Variants in ZNF583 observed in about 807,000 individuals in gnomAD.
ZNF583 encodes the protein zinc finger protein 583, also known as zinc finger protein L3-5.
ZNF583 carries 30 observed loss-of-function variants against 55.3 expected under a neutral mutation model. The observed-to-expected ratio is 0.54, with a 90% confidence interval of 0.41 to 0.74. The LOEUF is 0.74. Among genes scored for constraint, ZNF583 ranks in the 30% least tolerant of loss-of-function variants. ZNF583 has a pLI of 0.00. For missense variants in ZNF583, 504 were observed against 664.7 expected (o/e 0.76, Z 2.66); for synonymous variants, 208 against 220.0 (o/e 0.95, Z 0.48).
chr19:56,407,292 T>G (rs4801160), intron 2 of ZNF583, among the ~76,000 whole-genome samples, 169 bp downstream of exon 2: 127,917 of 152,216 alleles, frequency 0.84, 54,021 homozygotes, highest in East Asian at 0.95. Context: ...CCTAGTTATC[T>G]TTTTTTCCAC....
chr19:56,422,805 G>T, intron 4 of ZNF583, 86 bp from the exon 5 acceptor site: 1 of 927,310 alleles, frequency 1.1e-6, no homozygotes, highest in Non-Finnish European at 1.6e-6. Flanking sequence ...CCTTTAACTT[G>T]TGATGTATTT....
chr19:56,426,425 A>T lies in ZNF583; in HGVS notation c.*2057A>T, dbSNP rs142750445. ...CCTCCCCACCTCCTGTCAACAAGTC[A>T]TAGATTTGACTGTATAAGAACTTTA... On this transcript the variant is annotated 3_prime_UTR_variant, in exon 5 of 5. Coordinates refer to ENST00000333201, the MANE Select transcript of ZNF583 (RefSeq NM_152478.3). 6.6e-6 allele frequency: 1 copy of T among 152,244 alleles called. No homozygotes were observed. Among genetic ancestry groups the T allele is most frequent in the Non-Finnish European group, 1.5e-5 (1 of 68,046 alleles). 9.4% of individuals were successfully genotyped at this position (152,244 alleles called of 1,614,324 possible). A position where few individuals can be genotyped will look rare whatever the true frequency, so the allele number is the denominator to read the frequency against.
At chr19:56,407,421 G>A (rs963083017) in intron 2 of ZNF583, among the ~76,000 whole-genome samples, 1 of 152,206 alleles carries the variant, frequency 6.6e-6, no homozygotes, top group Non-Finnish European at 1.5e-5. Flanking sequence ...CTTCATTGTA[G>A]TAAGTTGATT....
rs1360233852 is a variant in ZNF583, at chr19:56,423,696, T to C, written c.1038T>C (p.His346=). Residue 346 remains histidine (H), a synonymous_variant, in exon 5 of 5, where the codon CAT becomes CAC. Coordinates refer to ENST00000333201, the MANE Select transcript of ZNF583 (RefSeq NM_152478.3). ...TTCTTGCTCAGCATCAGAGAATTCA[T>C]ACAGGAGAGAAACCTTATGTGTGTA... ...GSFLAQHQRI[H]TGEKPYVCNV... 1 of 1,614,088 alleles carries C rather than the reference T, an allele frequency of 6.2e-7. No homozygotes were observed. The highest frequency in any genetic ancestry group is 1.1e-5 in the South Asian group (1 of 91,080).
intron 1 of ZNF583, among the ~76,000 whole-genome samples, chr19:56,406,521 T>C (rs1217468659): frequency 6.8e-6 from 1 of 147,694 alleles, no homozygotes; most frequent in Non-Finnish European, 1.5e-5. Context: ...AGAACAGGTA[T>C]GTTGTATTCT....
Position 56,423,380 on chromosome 19 carries a change from C to T in ZNF583, c.722C>T (p.Ala241Val), listed in dbSNP as rs1285065959. Residue 241 changes from alanine (A) to valine (V), a missense_variant, in exon 5 of 5, where the codon GCA becomes GTA. Ala to Val is a moderately conservative substitution (Grantham distance 64). Around this residue, in one of 3 missense-constraint regions of ZNF583, gnomAD observed 237 missense variants for 373.0 expected, o/e 0.64. Coordinates refer to ENST00000333201, the MANE Select transcript of ZNF583 (RefSeq NM_152478.3). ...ATTCATACTGGAGAGAAACCCTATG[C>T]ATGTGTTGAATGTGGGAAAACGTTC... is the stretch of plus-strand genomic sequence containing the variant. Reference protein sequence around the residue: ...QRIHTGEKPYACVECGKTFSQ... With the variant: ...QRIHTGEKPYVCVECGKTFSQ... 1.9e-6 allele frequency: 3 copies of T among 1,613,396 alleles called. No individual in the cohort carries two copies. The highest frequency in any genetic ancestry group is 1.3e-5 in the African/African-American group (1 of 74,816).
intron 4 of ZNF583, among the ~76,000 whole-genome samples, chr19:56,422,441 A>G (rs1050373208): frequency 2.0e-5 from 3 of 152,192 alleles, no homozygotes; most frequent in African/African-American, 7.2e-5. Flanking sequence ...TATGAACAAT[A>G]TGAACAACCA....
intron 2 of ZNF583, among the ~76,000 whole-genome samples, chr19:56,410,451 G>A (rs1435378368): frequency 6.6e-6 from 1 of 151,978 alleles, no homozygotes; most frequent in Non-Finnish European, 1.5e-5. Flanking sequence ...TGTAATCCCA[G>A]CACTTTGGGG....
At position 56,423,546 on chromosome 19, in the gene ZNF583, T is replaced by A. The variant is rs200558791; in HGVS notation, c.888T>A (p.Tyr296Ter). ...HQRVHTGEKP[Y>*]QCKECKKAFS... The stretch of plus-strand genomic sequence containing the variant: ...GAGTTCATACTGGAGAGAAACCTTA[T>A]CAGTGTAAAGAATGTAAAAAAGCCT... The change falls in exon 5 of 5, where the codon TAT becomes TAA. Residue 296 changes from tyrosine (Y) to a stop codon, truncating the protein, a stop_gained. Coordinates refer to ENST00000333201, the MANE Select transcript of ZNF583 (RefSeq NM_152478.3). LOFTEE classifies it high-confidence loss of function. The A allele has an allele frequency of 1.4e-5, 22 of 1,612,840 alleles. No individual in the cohort carries two copies. Among genetic ancestry groups the A allele is most frequent in the Non-Finnish European group, 2.5e-6 (3 of 1,179,786 alleles).
At chr19:56,405,487 G>A (rs1452861414) in intron 1 of ZNF583, among the ~76,000 whole-genome samples, 1 of 152,096 alleles carries the variant, frequency 6.6e-6, no homozygotes, top group East Asian at 1.9e-4. Flanking sequence ...TGTGCTCTGG[G>A]GTTTGGGAGA....
chr19:56,423,652 G>A lies in ZNF583; in HGVS notation c.994G>A (p.Ala332Thr). ...TTTCGAATGTATTGAATGTGGAAAG[G>A]CCTTTAGTAATGGTTCATTTCTTGC... ...RPFECIECGK[A>T]FSNGSFLAQH... Residue 332 changes from alanine to threonine, a missense_variant, in exon 5 of 5, where the codon GCC (alanine) becomes ACC (threonine). Physicochemically the swap from Ala to Thr is moderately conservative, Grantham distance 58. Around this residue, in one of 3 missense-constraint regions of ZNF583, gnomAD observed 237 missense variants for 373.0 expected, o/e 0.64. Transcript: ENST00000333201. The A allele has an allele frequency of 6.2e-7, 1 of 1,614,008 alleles. No homozygotes were observed. Among genetic ancestry groups the A allele is most frequent in the South Asian group, 1.1e-5 (1 of 91,080 alleles).
intron 1 of ZNF583, among the ~76,000 whole-genome samples, chr19:56,406,426 AAG>A (rs1338492917): frequency 2.0e-5 from 3 of 152,318 alleles, no homozygotes; most frequent in African/African-American, 7.2e-5. Context: ...TCATGTGTGA[AAG>A]AGGGGGAAAT....
Position 56,422,894 on chromosome 19 carries a change from G to T in ZNF583, c.236G>T (p.Trp79Leu). The T allele has an allele frequency of 3.2e-6, 5 of 1,585,942 alleles. No individual in the cohort carries two copies. The highest frequency in any genetic ancestry group is 4.3e-6 in the Non-Finnish European group (5 of 1,168,196). ...TTTGTTTCTTGATATCTTTTAGATT[G>T]GGAGTATGTATTTAAAAACAGTGAA... ...KEGTRGPCPD[W>L]EYVFKNSEFS... is the part of the protein sequence containing the mutation. Residue 79 changes from tryptophan (W) to leucine (L), a missense_variant, in exon 5 of 5, where the codon TGG (tryptophan) becomes TTG (leucine). This residue lies in a region of ZNF583 where 204 missense variants were observed against 235.2 expected (regional missense o/e 0.87). Coordinates refer to ENST00000333201, the MANE Select transcript of ZNF583 (RefSeq NM_152478.3).
intron 2 of ZNF583, among the ~76,000 whole-genome samples, chr19:56,409,962 C>T (rs1386657038): frequency 2.0e-5 from 3 of 151,956 alleles, no homozygotes; most frequent in African/African-American, 7.2e-5. Context: ...AGATAATATT[C>T]ATCCATTACT....
At chr19:56,405,449 A>T (rs2042131744) in intron 1 of ZNF583, among the ~76,000 whole-genome samples, 1 of 152,068 alleles carries the variant, frequency 6.6e-6, no homozygotes, top group Non-Finnish European at 1.5e-5. Context: ...TGTGGGCAGG[A>T]AGCTGTGTGG....
chr19:56,422,064 A>G (rs1271746428), intron 4 of ZNF583, among the ~76,000 whole-genome samples: 1 of 152,214 alleles, frequency 6.6e-6, no homozygotes, highest in South Asian at 2.1e-4. Flanking sequence ...AATAAAGTGA[A>G]TTCCCATATG....
At chr19:56,417,563 G>A (rs2042347532) in intron 4 of ZNF583, among the ~76,000 whole-genome samples, 1 of 152,088 alleles carries the variant, frequency 6.6e-6, no homozygotes. Flanking sequence ...CTTAAAACAA[G>A]TTCTTTATCA....
intron 2 of ZNF583, among the ~76,000 whole-genome samples, chr19:56,408,647 G>C (rs2042192070): frequency 6.6e-6 from 1 of 152,208 alleles, no homozygotes; most frequent in Admixed American, 6.5e-5. Context: ...GATGTAAGAA[G>C]TTGTAATAAA....
chr19:56,407,004 A>T (rs2042164172), intron 1 of ZNF583, 22 bp from the exon 2 acceptor site: 23 of 1,278,262 alleles, frequency 1.8e-5, no homozygotes, highest in Admixed American at 4.1e-5. Context: ...CTGGCATTTT[A>T]TGGTTTCTTT....
Sources: gnomAD v4.1 joint callset for allele counts (sites outside exome capture counted in the v4.1 genomes callset) on GRCh38, gnomAD v4.1.1 for gene constraint, gnomAD v4.1.1 regional missense constraint, MANE v1.5 for transcripts, NCBI Gene and HGNC (gene_info 2026-07-23, HGNC 2026-07-21) for gene names.